ST6GALNAC3: variants seen among roughly 807,000 people sequenced by gnomAD.
ST6GALNAC3 encodes ST6 N-acetylgalactosaminide alpha-2,6-sialyltransferase 3.
A neutral mutation model predicts 32.7 loss-of-function variants in ST6GALNAC3; 25 were observed. The observed-to-expected ratio is 0.76, with a 90% CI of 0.56 to 1.07. ST6GALNAC3 has a LOEUF of 1.07. Among genes scored for constraint, ST6GALNAC3 ranks in the 50% least tolerant of loss-of-function variants. ST6GALNAC3 has a pLI of 0.00. For missense variants in ST6GALNAC3, 355 were observed against 382.4 expected (o/e 0.93, Z 0.60); for synonymous variants, 129 against 133.1 (o/e 0.97, Z 0.21).
intron 1 of ST6GALNAC3, among the ~76,000 whole-genome samples, chr1:76,265,733 T>C (rs1190361579): frequency 6.6e-6 from 1 of 152,152 alleles, no homozygotes; most frequent in Non-Finnish European, 1.5e-5. Flanking sequence ...CATAGAGTAA[T>C]TGTAAGGATT....
chr1:76,366,679 G>A (rs1650397739), intron 2 of ST6GALNAC3, among the ~76,000 whole-genome samples: 1 of 147,486 alleles, frequency 6.8e-6, no homozygotes, highest in Non-Finnish European at 1.5e-5. Context: ...CACATTTTCT[G>A]CTTTGTAAAA....
intron 1 of ST6GALNAC3, among the ~76,000 whole-genome samples, chr1:76,267,218 A>T (rs1223741903): frequency 6.6e-6 from 1 of 152,172 alleles, no homozygotes; most frequent in Non-Finnish European, 1.5e-5. Flanking sequence ...CAACCCCTTG[A>T]TCATGACCCC....
chr1:76,367,516 T>C (rs4364924), intron 2 of ST6GALNAC3, among the ~76,000 whole-genome samples: 137,677 of 152,074 alleles, frequency 0.91, 62,905 homozygotes, highest in Non-Finnish European at 0.97. Context: ...GTAGAAGCAT[T>C]GTACTAAATT....
At chr1:76,363,777 A>G (rs1463004744) in intron 2 of ST6GALNAC3, among the ~76,000 whole-genome samples, 1 of 152,184 alleles carries the variant, frequency 6.6e-6, no homozygotes, top group Non-Finnish European at 1.5e-5. Context: ...GGCGGAAAGC[A>G]AAAAGGGGGA....
intron 2 of ST6GALNAC3, among the ~76,000 whole-genome samples, chr1:76,378,534 C>A (rs780849035): frequency 6.6e-6 from 1 of 151,812 alleles, no homozygotes; most frequent in Admixed American, 6.6e-5. Context: ...TGGTGGCATG[C>A]GCCTGTAATC....
At chr1:76,191,837 C>T (rs1653914668) in intron 1 of ST6GALNAC3, among the ~76,000 whole-genome samples, 1 of 151,560 alleles carries the variant, frequency 6.6e-6, no homozygotes, top group Admixed American at 6.6e-5. Context: ...TGTAAATTAG[C>T]TTGTGTATTG....
chr1:76,257,459 C>A (rs2090446609), intron 1 of ST6GALNAC3, among the ~76,000 whole-genome samples: 1 of 152,078 alleles, frequency 6.6e-6, no homozygotes, highest in South Asian at 2.1e-4. Flanking sequence ...GGAATCCAGG[C>A]ATCTACATTT....
chr1:76,168,580 A>G (rs1180302139), intron 1 of ST6GALNAC3, among the ~76,000 whole-genome samples: 2 of 152,186 alleles, frequency 1.3e-5, no homozygotes, highest in African/African-American at 4.8e-5. Context: ...AAAGTCTCCC[A>G]CTATTATTGT....
At chr1:76,376,328 T>G (rs1171088435) in intron 2 of ST6GALNAC3, among the ~76,000 whole-genome samples, 1 of 152,196 alleles carries the variant, frequency 6.6e-6, no homozygotes, top group African/African-American at 2.4e-5. Flanking sequence ...TGTATTTGCA[T>G]GTGTGTGCAT....
At chr1:76,211,806 G>A (rs1198383457) in intron 1 of ST6GALNAC3, among the ~76,000 whole-genome samples, 1 of 152,042 alleles carries the variant, frequency 6.6e-6, no homozygotes, top group African/African-American at 2.4e-5. Context: ...GAGCGGGGAG[G>A]GATAGCATTA....
intron 3 of ST6GALNAC3, among the ~76,000 whole-genome samples, chr1:76,583,334 G>A (rs1297851644): frequency 2.6e-5 from 4 of 152,176 alleles, no homozygotes; most frequent in South Asian, 4.1e-4. Flanking sequence ...CTGAGACTGA[G>A]GCAATGAAAC....
chr1:76,411,743 A>AT (rs1362872798), intron 2 of ST6GALNAC3, among the ~76,000 whole-genome samples: 2 of 152,186 alleles, frequency 1.3e-5, no homozygotes, highest in South Asian at 2.1e-4. Flanking sequence ...ACAAATAACT[A>AT]TTTTTTGCCT....
intron 1 of ST6GALNAC3, among the ~76,000 whole-genome samples, chr1:76,222,230 C>T (rs533976033): frequency 6.6e-6 from 1 of 152,114 alleles, no homozygotes; most frequent in Non-Finnish European, 1.5e-5. Flanking sequence ...AGCTGGACCC[C>T]TTCCTTAGAA....
chr1:76,602,755 A>G (rs1647293629), intron 3 of ST6GALNAC3, among the ~76,000 whole-genome samples: 1 of 152,022 alleles, frequency 6.6e-6, no homozygotes, highest in Admixed American at 6.6e-5. Context: ...CAATTTGATT[A>G]ATTGATTAAT....
chr1:76,625,253 A>G (rs116029235), intron 3 of ST6GALNAC3, among the ~76,000 whole-genome samples: 2,398 of 152,036 alleles, frequency 0.016, 29 homozygotes, highest in Middle Eastern at 0.024. Flanking sequence ...GAAAATATTC[A>G]TCACCAGCTT....
intron 3 of ST6GALNAC3, among the ~76,000 whole-genome samples, chr1:76,525,825 A>G (rs1390367694): frequency 8.0e-6 from 1 of 124,496 alleles, no homozygotes; most frequent in Non-Finnish European, 1.6e-5. Context: ...ATATATATAT[A>G]TATGACCGTT....
At chr1:76,495,340 A>C (rs545211762) in intron 3 of ST6GALNAC3, among the ~76,000 whole-genome samples, 1 of 152,270 alleles carries the variant, frequency 6.6e-6, no homozygotes, top group African/African-American at 2.4e-5. Flanking sequence ...CAAATGAATC[A>C]GGCAGATATT....
intron 3 of ST6GALNAC3, among the ~76,000 whole-genome samples, chr1:76,505,248 G>A (rs759727964): frequency 6.6e-6 from 1 of 151,638 alleles, no homozygotes; most frequent in Non-Finnish European, 1.5e-5. Context: ...TCAGTCTCCC[G>A]AGTAGCTGGG....
At chr1:76,235,467 A>G (rs1656599155) in intron 1 of ST6GALNAC3, among the ~76,000 whole-genome samples, 1 of 152,138 alleles carries the variant, frequency 6.6e-6, no homozygotes, top group South Asian at 2.1e-4. Context: ...TGATGGTGCC[A>G]CTGCACTCCA....
Sources: allele counts gnomAD v4.1 joint callset (sites outside exome capture counted in the v4.1 genomes callset), GRCh38; gene constraint gnomAD v4.1.1; transcripts MANE v1.5; gene names NCBI Gene and HGNC (gene_info 2026-07-23, HGNC 2026-07-21).